Variants in SPATA16 observed in about 807,000 individuals in gnomAD.
SPATA16 encodes the protein spermatogenesis-associated protein 16.
A neutral mutation model predicts 63.3 loss-of-function variants in SPATA16; 36 were observed. That is an observed-to-expected ratio of 0.57 (90% CI 0.44 to 0.75). SPATA16 has a LOEUF of 0.75. Among genes scored for constraint, SPATA16 ranks in the 30% least tolerant of loss-of-function variants. The pLI is 0.00. For synonymous variants in SPATA16, 203 were observed against 216.7 expected (o/e 0.94, Z 0.56); for missense variants, 646 against 679.3 (o/e 0.95, Z 0.54).
At chr3:172,927,635 T>C (rs1007708395) in intron 6 of SPATA16, among the ~76,000 whole-genome samples, 3 of 152,020 alleles carry the variant, frequency 2.0e-5, no homozygotes, top group Admixed American at 2.0e-4. Context: ...CTTCCAGAGG[T>C]TCCAAAGTTG....
chr3:172,988,501 CA>C (rs1734504655), intron 4 of SPATA16, among the ~76,000 whole-genome samples: 1 of 152,182 alleles, frequency 6.6e-6, no homozygotes, highest in African/African-American at 2.4e-5. Flanking sequence ...TTACTTTGGC[CA>C]CCCAAATACC....
In SPATA16 at chr3:173,076,836, T is replaced by A. The variant is rs117373640; in HGVS notation, c.613-27742A>T. 7.9e-5 allele frequency among the ~76,000 whole-genome samples: 12 copies of A among 152,288 alleles called. No homozygotes were observed. In the East Asian group the frequency reaches 2.3e-3, roughly 29 times the overall value. On this transcript the variant is annotated intron_variant, in intron 2 of 10. Coordinates refer to ENST00000351008, the MANE Select transcript of SPATA16 (RefSeq NM_031955.6). ...AATGGAAGGATTATGTGGTTCAGGA[T>A]GTTCTGGCTGTAGTGAACTCTGATC...
In SPATA16 at chr3:172,953,668, C is replaced by T. The variant is rs146226565; in HGVS notation, c.1081+3009G>A. Reference sequence around the variant, plus strand: ...AGAGCTGATCTCAGGTAGCACCAGCCGTCTGATAAGCAGCTGTACCAGCCT... The same window carrying T: ...AGAGCTGATCTCAGGTAGCACCAGCTGTCTGATAAGCAGCTGTACCAGCCT... On this transcript the variant is annotated intron_variant, in intron 6 of 10. Transcript: ENST00000351008. Among the ~76,000 whole-genome samples, 884 of 152,264 alleles carry T rather than the reference C, an allele frequency of 5.8e-3. 10 individuals are homozygous for T. The highest frequency in any genetic ancestry group is 0.019 in the African/African-American group (787 of 41,556).
At chr3:173,089,144 CCAGAGAAGAT>C (rs1253462474) in intron 2 of SPATA16, among the ~76,000 whole-genome samples, 3 of 152,066 alleles carry the variant, frequency 2.0e-5, no homozygotes, top group African/African-American at 7.2e-5. Context: ...GATAGGTTCT[CCAGAGAAGAT>C]CAAAGAGGGA....
chr3:172,931,507 C>G (rs1354867800), intron 6 of SPATA16, among the ~76,000 whole-genome samples: 1 of 152,144 alleles, frequency 6.6e-6, no homozygotes, highest in African/African-American at 2.4e-5. Context: ...CTTGGCCTCC[C>G]AAATCACTGG....
chr3:172,927,481 A>C (rs547013214), intron 6 of SPATA16, among the ~76,000 whole-genome samples: 67 of 152,328 alleles, frequency 4.4e-4, no homozygotes, highest in Middle Eastern at 6.8e-3. Flanking sequence ...CTTAGGATCA[A>C]GGTCACCCCT....
chr3:173,049,551 T>G (rs757035596), intron 2 of SPATA16, among the ~76,000 whole-genome samples: 6 of 152,190 alleles, frequency 3.9e-5, no homozygotes, highest in African/African-American at 9.6e-5. Flanking sequence ...TCAAGTTTGA[T>G]TTAATATAAT....
chr3:173,076,982 A>G (rs1201040267), intron 2 of SPATA16, among the ~76,000 whole-genome samples: 3 of 152,100 alleles, frequency 2.0e-5, no homozygotes, highest in African/African-American at 7.2e-5. Context: ...AAAATATATG[A>G]ATGGAGCTTT....
intron 3 of SPATA16, among the ~76,000 whole-genome samples, chr3:173,041,520 T>C (rs1735840104): frequency 1.3e-5 from 2 of 152,186 alleles, no homozygotes; most frequent in South Asian, 2.1e-4. Flanking sequence ...TTAAGAGATA[T>C]ATGCAGGTAA....
chr3:172,925,571 G>A lies in SPATA16; in HGVS notation c.1082-79C>T, dbSNP rs895957592. Reference sequence around the variant, plus strand: ...TAGGGTTTTCCCCCCCAGATTTCAGGAATTGTACTTGGAAAAAATAATAAC... The same window carrying A: ...TAGGGTTTTCCCCCCCAGATTTCAGAAATTGTACTTGGAAAAAATAATAAC... On this transcript the variant is annotated intron_variant, in intron 6 of 10. Transcript: ENST00000351008. 5.1e-6 allele frequency: 8 copies of A among 1,571,900 alleles called. No individual in the cohort carries two copies. The African/African-American group carries it at 8.1e-5, about 16-fold the overall frequency.
intron 3 of SPATA16, among the ~76,000 whole-genome samples, chr3:173,026,478 C>A (rs932800617): frequency 6.6e-6 from 1 of 151,644 alleles, no homozygotes; most frequent in Non-Finnish European, 1.5e-5. Flanking sequence ...ATAGTTTATA[C>A]CTTTAAAATA....
chr3:173,033,511 T>C (rs1735650201), intron 3 of SPATA16, among the ~76,000 whole-genome samples: 1 of 152,168 alleles, frequency 6.6e-6, no homozygotes, highest in Non-Finnish European at 1.5e-5. Context: ...AACCAAAATA[T>C]CAGCTATCAC....
At chr3:173,049,354 T>C (rs1186891045) in intron 2 of SPATA16, among the ~76,000 whole-genome samples, 1 of 152,168 alleles carries the variant, frequency 6.6e-6, no homozygotes, top group East Asian at 1.9e-4. Flanking sequence ...CACATTGTAC[T>C]GTAAAATCCT....
chr3:172,957,923 T>C (rs1408442208), intron 5 of SPATA16, among the ~76,000 whole-genome samples: 5 of 152,216 alleles, frequency 3.3e-5, no homozygotes, highest in African/African-American at 1.2e-4. Flanking sequence ...TATGATCATC[T>C]ACATTGCTTG....
chr3:173,019,426 T>C, intron 4 of SPATA16, 60 bp downstream of exon 4: 2 of 1,418,566 alleles, frequency 1.4e-6, no homozygotes, highest in Non-Finnish European at 2.0e-6. Context: ...ATTACCAGAA[T>C]TTGAGAATAA....
At chr3:173,114,237 T>C (rs542922357) in intron 2 of SPATA16, among the ~76,000 whole-genome samples, 102 of 151,248 alleles carry the variant, frequency 6.7e-4, no homozygotes, top group Middle Eastern at 3.5e-3. Context: ...AAGCCTTCTA[T>C]GGGAGAGATG....
At chr3:173,003,611 G>A (rs146142250) in intron 4 of SPATA16, among the ~76,000 whole-genome samples, 40 of 152,312 alleles carry the variant, frequency 2.6e-4, no homozygotes, top group African/African-American at 8.9e-4. Flanking sequence ...ATCTGACAAA[G>A]TTTGGCATAG....
chr3:173,033,710 T>C (rs1735654723), intron 3 of SPATA16, among the ~76,000 whole-genome samples: 1 of 152,026 alleles, frequency 6.6e-6, no homozygotes, highest in East Asian at 1.9e-4. Flanking sequence ...TTATTTTAGT[T>C]TAGTTTTTAG....
chr3:172,999,661 G>T (rs188371546), intron 4 of SPATA16, among the ~76,000 whole-genome samples: 1 of 152,190 alleles, frequency 6.6e-6, no homozygotes, highest in African/African-American at 2.4e-5. Context: ...TGATCCGCCC[G>T]CCTAGGCCTC....
Sources: allele counts gnomAD v4.1 joint callset (sites outside exome capture counted in the v4.1 genomes callset), GRCh38; gene constraint gnomAD v4.1.1; transcripts MANE v1.5; gene names NCBI Gene and HGNC (gene_info 2026-07-23, HGNC 2026-07-21).